WWOX: variants seen among roughly 807,000 people sequenced by gnomAD.
WWOX encodes the protein WW domain-containing oxidoreductase.
A neutral mutation model predicts 46.2 loss-of-function variants in WWOX; 69 were observed. That is an observed-to-expected ratio of 1.49 (90% CI 1.23 to 1.82). The LOEUF (loss-of-function observed/expected upper bound fraction) is 1.82, where lower values mean the gene tolerates loss of function less well. Among genes scored for constraint, WWOX ranks in the 40% most tolerant of loss-of-function variants. The pLI is 0.00. For missense variants in WWOX, 919 were observed against 542.6 expected, an observed-to-expected ratio of 1.69 and a Z score of -6.89; for synonymous variants, 359 against 202.6, an observed-to-expected ratio of 1.77 and a Z score of -6.56.
chr16:79,060,267 G>C (rs1238817606), intron 8 of WWOX, among the ~76,000 whole-genome samples: 1 of 152,198 alleles, frequency 6.6e-6, no homozygotes, highest in Non-Finnish European at 1.5e-5. Context: ...TTTGGAAATT[G>C]CAAAAATACT....
chr16:78,494,897 C>A (rs921459978), intron 8 of WWOX, among the ~76,000 whole-genome samples: 2 of 152,120 alleles, frequency 1.3e-5, no homozygotes, highest in African/African-American at 4.8e-5. Flanking sequence ...GGGTTTTAGG[C>A]CTGTCCTTAG....
At chr16:78,843,048 T>A (rs1271569342) in intron 8 of WWOX, among the ~76,000 whole-genome samples, 1 of 150,040 alleles carries the variant, frequency 6.7e-6, no homozygotes, top group Non-Finnish European at 1.5e-5. Context: ...CTGCAAACAT[T>A]GCACTAATGT....
At chr16:78,214,909 T>C (rs2036669765) in intron 5 of WWOX, among the ~76,000 whole-genome samples, 1 of 152,184 alleles carries the variant, frequency 6.6e-6, no homozygotes, top group Non-Finnish European at 1.5e-5. Context: ...TATATTTTAG[T>C]TCTACTGATA....
chr16:79,040,106 T>G (rs1225365727), intron 8 of WWOX, among the ~76,000 whole-genome samples: 1 of 152,154 alleles, frequency 6.6e-6, no homozygotes, highest in African/African-American at 2.4e-5. Flanking sequence ...CCCCATAGGT[T>G]GCTGTGAAGA....
chr16:78,613,165 A>C (rs1195622305), intron 8 of WWOX, among the ~76,000 whole-genome samples: 1 of 152,088 alleles, frequency 6.6e-6, no homozygotes. Flanking sequence ...ACTCCCCTCC[A>C]TGCCTTTTGA....
chr16:78,817,285 C>T (rs2051359685), intron 8 of WWOX, among the ~76,000 whole-genome samples: 1 of 144,614 alleles, frequency 6.9e-6, no homozygotes, highest in Admixed American at 7.2e-5. Flanking sequence ...AAGCCTGGGC[C>T]AAGTGTGTAG....
chr16:78,918,512 G>C (rs1052944564), intron 8 of WWOX, among the ~76,000 whole-genome samples: 14 of 152,276 alleles, frequency 9.2e-5, no homozygotes, highest in African/African-American at 7.2e-5. Context: ...AATGTGTTCA[G>C]AGGTCTCTGC....
intron 8 of WWOX, among the ~76,000 whole-genome samples, chr16:78,864,050 T>C (rs1374754857): frequency 6.6e-6 from 1 of 152,182 alleles, no homozygotes; most frequent in African/African-American, 2.4e-5. Flanking sequence ...ATAAAGCTGC[T>C]CTGAACATTT....
chr16:78,549,495 G>C (rs1032842459), intron 8 of WWOX, among the ~76,000 whole-genome samples: 1 of 152,050 alleles, frequency 6.6e-6, no homozygotes, highest in African/African-American at 2.4e-5. Flanking sequence ...AAGTTGGATC[G>C]ACCATTAATC....
intron 8 of WWOX, among the ~76,000 whole-genome samples, chr16:78,732,353 A>G (rs1175197128): frequency 1.3e-5 from 2 of 152,236 alleles, no homozygotes; most frequent in Admixed American, 1.3e-4. Context: ...TAGCGTAGGT[A>G]GGAAGACCGT....
chr16:78,644,263 C>T (rs1046747686), intron 8 of WWOX, among the ~76,000 whole-genome samples: 17 of 151,906 alleles, frequency 1.1e-4, no homozygotes, highest in African/African-American at 4.1e-4. Flanking sequence ...AATACTACTT[C>T]TCCCTGTCCT....
At chr16:78,821,046 C>G (rs1296723151) in intron 8 of WWOX, among the ~76,000 whole-genome samples, 1 of 152,176 alleles carries the variant, frequency 6.6e-6, no homozygotes, top group Non-Finnish European at 1.5e-5. Flanking sequence ...TGCAAAGACC[C>G]TGTTTCCAAA....
At chr16:78,845,276 A>C (rs921329103) in intron 8 of WWOX, among the ~76,000 whole-genome samples, 1 of 152,034 alleles carries the variant, frequency 6.6e-6, no homozygotes, top group African/African-American at 2.4e-5. Flanking sequence ...CTACATGGCT[A>C]ATTTATTTAC....
chr16:79,211,510 G>T (rs1325621741), intron 8 of WWOX, 98 bp from the exon 9 acceptor site: 1 of 1,507,708 alleles, frequency 6.6e-7, no homozygotes, highest in East Asian at 2.3e-5. Flanking sequence ...AACTGAACCA[G>T]GTGGGGGAGG....
At chr16:78,147,432 A>G (rs551223259) in intron 4 of WWOX, among the ~76,000 whole-genome samples, 1 of 152,228 alleles carries the variant, frequency 6.6e-6, no homozygotes, top group Admixed American at 6.5e-5. Flanking sequence ...AATTTAAGTC[A>G]TATTTTTGAA....
At chr16:79,209,595 G>A (rs963319324) in intron 8 of WWOX, among the ~76,000 whole-genome samples, 4 of 152,160 alleles carry the variant, frequency 2.6e-5, no homozygotes, top group Admixed American at 6.5e-5. Context: ...GGCCACTCTG[G>A]TCGTTTTGGC....
At chr16:78,509,643 G>T (rs550621558) in intron 8 of WWOX, among the ~76,000 whole-genome samples, 2 of 152,126 alleles carry the variant, frequency 1.3e-5, no homozygotes, top group African/African-American at 2.4e-5. Flanking sequence ...GAAAAGCAGC[G>T]ATGGCAGGAC....
At chr16:78,913,121 C>A (rs574882296) in intron 8 of WWOX, among the ~76,000 whole-genome samples, 4 of 152,022 alleles carry the variant, frequency 2.6e-5, no homozygotes, top group African/African-American at 7.2e-5. Context: ...GCCCTACCTC[C>A]TGCCAGAAAA....
intron 8 of WWOX, among the ~76,000 whole-genome samples, chr16:78,533,842 ATTGT>A (rs754379551): frequency 1.1e-4 from 17 of 152,114 alleles, no homozygotes; most frequent in African/African-American, 3.9e-4. Flanking sequence ...ATACTTGCTC[ATTGT>A]TTGTTTCCAT....
Sources: allele counts gnomAD v4.1 joint callset (sites outside exome capture counted in the v4.1 genomes callset), GRCh38; gene constraint gnomAD v4.1.1; transcripts MANE v1.5; gene names NCBI Gene and HGNC (gene_info 2026-07-23, HGNC 2026-07-21).